Variants in KDM1B observed in about 807,000 individuals in gnomAD.
KDM1B encodes lysine-specific histone demethylase 2.
A neutral mutation model predicts 107.4 loss-of-function variants in KDM1B; 63 were observed. The observed-to-expected ratio is 0.59, with a 90% confidence interval of 0.48 to 0.72. The LOEUF (loss-of-function observed/expected upper bound fraction) is 0.72, where lower values mean the gene tolerates loss of function less well. Among genes scored for constraint, KDM1B ranks in the 30% least tolerant of loss-of-function variants. The pLI, the probability that KDM1B is intolerant of heterozygous loss-of-function variation, is 0.00. For synonymous variants in KDM1B, 363 were observed against 363.9 expected (o/e 1.00, Z 0.03); for missense variants, 749 against 1,020.8 (o/e 0.73, Z 3.63).
Position 18,197,796 on chromosome 6 carries a change from A to G in KDM1B, c.1221+135A>G. The G allele has an allele frequency of 1.8e-6, 1 of 543,986 alleles. No homozygotes were observed. Among genetic ancestry groups the G allele is most frequent in the South Asian group, 3.1e-5 (1 of 32,396 alleles). 33.7% of individuals were successfully genotyped at this position (543,986 alleles called of 1,614,324 possible). ...ATTATATGTTTATATTAGGTCCTAG[A>G]AAAGTTATAAAACTTGAAATTGATT... On this transcript the variant is annotated intron_variant, in intron 12 of 21. Coordinates refer to ENST00000650836, the MANE Select transcript of KDM1B (RefSeq NM_001364614.2). This position sits in a 1 kb window ranked among gnomAD's most constrained non-coding sequence, Gnocchi z 4.5.
intron 7 of KDM1B, among the ~76,000 whole-genome samples, chr6:18,181,404 A>G (rs1786465794): frequency 6.6e-6 from 1 of 152,212 alleles, no homozygotes; most frequent in African/African-American, 2.4e-5. Flanking sequence ...TGAACATAAA[A>G]TATTTCTTTA....
chr6:18,174,838 A>G (rs1318879644), intron 7 of KDM1B, among the ~76,000 whole-genome samples: 1 of 152,168 alleles, frequency 6.6e-6, no homozygotes, highest in African/African-American at 2.4e-5. Context: ...ATATATGTGT[A>G]TGTATGTATG....
intron 9 of KDM1B, 92 bp downstream of exon 9, chr6:18,188,094 A>T (rs967725543): frequency 6.8e-6 from 8 of 1,171,448 alleles, no homozygotes; most frequent in Middle Eastern, 2.7e-4. Context: ...GATTTTTTTT[A>T]AATGTGCAGG....
chr6:18,221,301 T>G (rs1561963094), intron 21 of KDM1B, among the ~76,000 whole-genome samples: 1 of 152,108 alleles, frequency 6.6e-6, no homozygotes, highest in Non-Finnish European at 1.5e-5. Context: ...CTTGTCATAA[T>G]TACTTAATCA....
chr6:18,162,796 T>G lies in KDM1B; in HGVS notation c.216-39T>G, dbSNP rs748075334. 2.6e-6 allele frequency: 3 copies of G among 1,151,370 alleles called. No individual in the cohort carries two copies. Among genetic ancestry groups the G allele is most frequent in the Non-Finnish European group, 3.9e-6 (3 of 760,408 alleles). 71.3% of individuals were successfully genotyped at this position (1,151,370 alleles called of 1,614,324 possible). A position where few individuals can be genotyped will look rare whatever the true frequency, so the allele number is the denominator to read the frequency against. ...TTTAAAAAATGGGAGGAGAAATGTT[T>G]ATTCATTACCAAAGCTATATGTTTT... On this transcript the variant is annotated intron_variant, in intron 4 of 21. Transcript: ENST00000650836. This position sits in a 1 kb window ranked among gnomAD's most constrained non-coding sequence, Gnocchi z 4.1.
Position 18,168,152 on chromosome 6 carries a change from T to C in KDM1B, c.417+1774T>C, listed in dbSNP as rs144163999. ...GAAGTAAAATTCGTATAACATAAAA[T>C]TAACCATTTTAAATTGTGCAGTTCA... On this transcript the variant is annotated intron_variant, in intron 6 of 21. Transcript: ENST00000650836. Among the ~76,000 whole-genome samples, 201 of 152,328 alleles carry C rather than the reference T, an allele frequency of 1.3e-3. 4 individuals carry two copies. The highest frequency in any genetic ancestry group is 4.7e-3 in the African/African-American group (194 of 41,576).
chr6:18,221,784 G>A, intron 21 of KDM1B, 125 bp from the exon 22 acceptor site: 1 of 746,444 alleles, frequency 1.3e-6, no homozygotes, highest in Non-Finnish European at 2.3e-6. Flanking sequence ...GGGTGAGTGT[G>A]AATATGAGCA....
chr6:18,210,732 C>T (rs1788801442), intron 17 of KDM1B, among the ~76,000 whole-genome samples: 1 of 152,030 alleles, frequency 6.6e-6, no homozygotes, highest in African/African-American at 2.4e-5. Flanking sequence ...GCGTGGGTGG[C>T]TCATGCCTGT....
chr6:18,200,568 T>G lies in KDM1B; in HGVS notation c.1351T>G (p.Cys451Gly), dbSNP rs1561941838. ...GCINNPVALM[C>G]EQLGISMHKF... ...TATTAACAACCCAGTAGCATTAATG[T>G]GTGAACAAGTGAGTTTCTTTTAGCT... The change falls in exon 13 of 22, where the codon TGT (cysteine) becomes GGT (glycine). Residue 451 changes from cysteine (C) to glycine (G), a missense_variant. Cys to Gly is a radical substitution (Grantham distance 159, BLOSUM62 -3). Coordinates refer to ENST00000650836, the MANE Select transcript of KDM1B (RefSeq NM_001364614.2). This position sits in a 1 kb window ranked among gnomAD's most constrained non-coding sequence, Gnocchi z 4.3. The G allele has an allele frequency of 6.2e-7, 1 of 1,608,378 alleles. No individual in the cohort carries two copies. Among genetic ancestry groups the G allele is most frequent in the Non-Finnish European group, 8.5e-7 (1 of 1,178,342 alleles).
chr6:18,183,289 CAG>C (rs1402468433), intron 7 of KDM1B, among the ~76,000 whole-genome samples: 12 of 69,078 alleles, frequency 1.7e-4, no homozygotes, highest in Admixed American at 1.7e-3. Flanking sequence ...TTTTTTGAGA[CAG>C]AGTTTTGCTC....
At chr6:18,166,228 G>T (rs1433770791) in intron 5 of KDM1B, 39 bp from the exon 6 acceptor site, 3 of 951,380 alleles carry the variant, frequency 3.2e-6, no homozygotes, top group South Asian at 1.3e-5. Flanking sequence ...TATAGCAATC[G>T]ATATATTAAT....
At chr6:18,216,385 G>T (rs1463500265) in intron 20 of KDM1B, among the ~76,000 whole-genome samples, 1 of 152,072 alleles carries the variant, frequency 6.6e-6, no homozygotes, top group African/African-American at 2.4e-5. Context: ...GGCCAGCCTT[G>T]TTGCTAATTT....
At chr6:18,189,158 T>C (rs946142411) in intron 9 of KDM1B, among the ~76,000 whole-genome samples, 4 of 152,312 alleles carry the variant, frequency 2.6e-5, no homozygotes, top group South Asian at 2.1e-4. Flanking sequence ...ATTCTGGATT[T>C]CCTACGCCTG....
chr6:18,208,525 T>C (rs2151003463), intron 17 of KDM1B, among the ~76,000 whole-genome samples: 1 of 145,224 alleles, frequency 6.9e-6, no homozygotes, highest in Non-Finnish European at 1.5e-5. Context: ...GCCAAGTAAG[T>C]TTGGGAAGTA....
chr6:18,176,702 A>G lies in KDM1B; in HGVS notation c.534+5223A>G, dbSNP rs576503209. On this transcript the variant is annotated intron_variant, in intron 7 of 21. Transcript: ENST00000650836. ...TTTGTCCAGTGCTTTTTCTGCATCTATTGAGATGATCATGTGATTTTTGTT... is the reference window on the plus strand; with the variant it reads ...TTTGTCCAGTGCTTTTTCTGCATCTGTTGAGATGATCATGTGATTTTTGTT... Among the ~76,000 whole-genome samples the G allele has an allele frequency of 7.2e-5, 11 of 152,236 alleles. 1 individual carries two copies. Among genetic ancestry groups the G allele is most frequent in the South Asian group, 4.1e-4 (2 of 4,826 alleles).
rs1437095164 is a variant in KDM1B, at chr6:18,159,015, T to C, written c.-13-868T>C. On this transcript the variant is annotated intron_variant, in intron 2 of 21. Transcript: ENST00000650836. This position sits in a 1 kb window ranked among gnomAD's most constrained non-coding sequence, Gnocchi z 4.5. The stretch of plus-strand genomic sequence containing the variant: ...TGGAGTCTTGCTCTGTTGCCCAGGC[T>C]GGAGTGCAGTAGCACAATCTCGGCT... 6.6e-6 allele frequency among the ~76,000 whole-genome samples: 1 copy of C among 152,206 alleles called. No individual in the cohort carries two copies. The highest frequency in any genetic ancestry group is 1.9e-4 in the East Asian group (1 of 5,202).
Position 18,171,373 on chromosome 6 carries a change from C to T in KDM1B, c.428C>T (p.Thr143Ile). 6.3e-7 allele frequency: 1 copy of T among 1,594,352 alleles called. No individual in the cohort carries two copies. Among genetic ancestry groups the T allele is most frequent in the Non-Finnish European group, 8.6e-7 (1 of 1,161,988 alleles). ...ATACTTCCCATCTAGGTTCAGTGTACAAAACCTGAGTGTAGAAAATGGAGG... is the reference window on the plus strand; with the variant it reads ...ATACTTCCCATCTAGGTTCAGTGTATAAAACCTGAGTGTAGAAAATGGAGG... ...DQQLPYWVQCTKPECRKWRQL... is the reference protein window; with the variant it reads ...DQQLPYWVQCIKPECRKWRQL... Residue 143 changes from threonine (T) to isoleucine (I), a missense_variant, in exon 7 of 22, where the codon ACA (threonine) becomes ATA (isoleucine). Transcript: ENST00000650836.
Position 18,209,078 on chromosome 6 carries a change from T to C in KDM1B, c.1866+872T>C, listed in dbSNP as rs1209592692. On this transcript the variant is annotated intron_variant, in intron 17 of 21. Coordinates refer to ENST00000650836, the MANE Select transcript of KDM1B (RefSeq NM_001364614.2). The surrounding 1 kb of genome is among the most constrained non-coding windows in gnomAD (Gnocchi z 4.3). ...TTCTTCAGATCAGGAAAGTTCTGTT[T>C]TCATCTTGAAATCTTGAAACTATCA... Among the ~76,000 whole-genome samples, 1 of 152,198 alleles carries C rather than the reference T, an allele frequency of 6.6e-6. No individual in the cohort carries two copies. The highest frequency in any genetic ancestry group is 1.5e-5 in the Non-Finnish European group (1 of 68,036).
chr6:18,166,673 C>T (rs904220989), intron 6 of KDM1B, among the ~76,000 whole-genome samples: 1 of 151,638 alleles, frequency 6.6e-6, no homozygotes, highest in Non-Finnish European at 1.5e-5. Flanking sequence ...ATAGTAAGAC[C>T]CCATCTTTAC....
Sources: gnomAD v4.1 joint callset for allele counts (sites outside exome capture counted in the v4.1 genomes callset) on GRCh38, gnomAD v4.1.1 for gene constraint, Gnocchi (gnomAD v3.1) non-coding constraint, MANE v1.5 for transcripts, NCBI Gene and HGNC (gene_info 2026-07-23, HGNC 2026-07-21) for gene names.